The following HHIP variants were observed in gnomAD, a reference collection of about 807,000 sequenced individuals.
The protein encoded by HHIP is hedgehog interacting protein.
Under a neutral mutation model 74.0 loss-of-function variants are expected in HHIP, and 12 were observed. The ratio of observed to expected loss-of-function variants is 0.16; its 90% CI spans 0.10 to 0.26. The LOEUF (loss-of-function observed/expected upper bound fraction) is 0.26, where lower values mean the gene tolerates loss of function less well. Among genes scored for constraint, HHIP ranks in the 10% least tolerant of loss-of-function variants. HHIP has a pLI of 1.00. For synonymous variants in HHIP, 309 were observed against 311.6 expected (o/e 0.99, Z 0.09); for missense variants, 788 against 845.0 (o/e 0.93, Z 0.84).
chr4:144,647,218 C>A, intron 1 of HHIP: 1 of 414,834 alleles, frequency 2.4e-6, no homozygotes. Flanking sequence ...GTACCCGCAC[C>A]CTGGGCTGGG....
At chr4:144,709,116 TA>T (rs1227225016) in intron 7 of HHIP, among the ~76,000 whole-genome samples, 2 of 152,222 alleles carry the variant, frequency 1.3e-5, no homozygotes, top group South Asian at 2.1e-4. Context: ...CTAAGTAGGT[TA>T]TTATTACCAT....
At chr4:144,666,633 T>C (rs973611225) in intron 4 of HHIP, among the ~76,000 whole-genome samples, 2 of 152,174 alleles carry the variant, frequency 1.3e-5, no homozygotes, top group African/African-American at 4.8e-5. Flanking sequence ...GCTAAGCTGC[T>C]AAATGCTGCT....
intron 1 of HHIP, chr4:144,647,299 G>A (rs72617421): frequency 0.035 from 7,881 of 224,180 alleles, 533 homozygotes; most frequent in East Asian, 0.23. Flanking sequence ...CGGTGAAACT[G>A]TAAATTAAGG....
intron 1 of HHIP, among the ~76,000 whole-genome samples, chr4:144,650,087 C>G (rs933636079): frequency 6.6e-5 from 10 of 152,094 alleles, no homozygotes; most frequent in African/African-American, 2.4e-4. Context: ...CTCATCGAAC[C>G]CATGTGGCTG....
At chr4:144,706,118 T>C (rs1730126838) in intron 4 of HHIP, among the ~76,000 whole-genome samples, 1 of 152,226 alleles carries the variant, frequency 6.6e-6, no homozygotes, top group Non-Finnish European at 1.5e-5. Flanking sequence ...CAGCCCACAC[T>C]GTGTTTTAGG....
chr4:144,662,302 G>A (rs922358665), intron 4 of HHIP, among the ~76,000 whole-genome samples: 8 of 152,112 alleles, frequency 5.3e-5, no homozygotes, highest in Admixed American at 2.0e-4. Flanking sequence ...TCAGCCAAGA[G>A]CCAATCATAA....
intron 2 of HHIP, among the ~76,000 whole-genome samples, chr4:144,653,026 T>A (rs140294803): frequency 2.0e-5 from 3 of 152,274 alleles, no homozygotes; most frequent in African/African-American, 7.2e-5. Flanking sequence ...TTGTTATATA[T>A]TTCTTGTTAA....
chr4:144,736,840 G>A (rs1024147218), intron 12 of HHIP, among the ~76,000 whole-genome samples: 3 of 152,034 alleles, frequency 2.0e-5, no homozygotes, highest in Non-Finnish European at 2.9e-5. Flanking sequence ...CAGATTTAAA[G>A]CATAAAATTG....
At chr4:144,711,733 A>G (rs1730312423) in intron 7 of HHIP, among the ~76,000 whole-genome samples, 1 of 152,270 alleles carries the variant, frequency 6.6e-6, no homozygotes, top group Non-Finnish European at 1.5e-5. Flanking sequence ...ATTATAAATC[A>G]TAAGAGAAAT....
intron 4 of HHIP, among the ~76,000 whole-genome samples, chr4:144,675,403 CT>C (rs1729144656): frequency 6.6e-6 from 1 of 151,860 alleles, no homozygotes; most frequent in African/African-American, 2.4e-5. Flanking sequence ...TTTTATGGTG[CT>C]TTTAAGGAAT....
At position 144,742,873 on chromosome 4, in the gene HHIP, TTTTTATATATATC is replaced by T. The variant is rs1731290937; in HGVS notation, c.*4919_*4931del. 9.1e-6 allele frequency: 1 copy of T among 109,758 alleles called. No homozygotes were observed. Among genetic ancestry groups the T allele is most frequent in the South Asian group, 3.1e-4 (1 of 3,258 alleles). 6.8% of individuals were successfully genotyped at this position (109,758 alleles called of 1,614,324 possible). ...TATATATATATCTTATATATATATC[TTTTTATATATATC>T]TTATATATATATCTTTTTATATATA... On this transcript the variant is annotated 3_prime_UTR_variant, in exon 13 of 13. Transcript: ENST00000296575.
intron 4 of HHIP, among the ~76,000 whole-genome samples, chr4:144,666,049 A>G (rs1034132483): frequency 1.2e-4 from 19 of 152,220 alleles, no homozygotes; most frequent in Admixed American, 6.5e-5. Flanking sequence ...TTTAAGTGAG[A>G]TATCTACCAT....
intron 2 of HHIP, among the ~76,000 whole-genome samples, chr4:144,656,576 A>C (rs1172810808): frequency 6.6e-6 from 1 of 152,140 alleles, no homozygotes. Flanking sequence ...AGCAAGCTTG[A>C]AATTTCTTTT....
chr4:144,714,249 T>G lies in HHIP; in HGVS notation c.1448T>G (p.Phe483Cys), dbSNP rs1730382447. 3.1e-6 allele frequency: 5 copies of G among 1,613,090 alleles called. No individual in the cohort carries two copies. In the South Asian group the frequency reaches 5.5e-5, roughly 18 times the overall value. Reference protein sequence around the residue: ...DYESEPSLLEFKPFSNGPLVG... With the variant: ...DYESEPSLLECKPFSNGPLVG... Reference sequence around the variant, plus strand: ...GAAAGTGAGCCATCACTTTTAGAATTCAAGCCATTCAGTAATGGTCCTTTG... The same window carrying G: ...GAAAGTGAGCCATCACTTTTAGAATGCAAGCCATTCAGTAATGGTCCTTTG... The change falls in exon 9 of 13, where the codon TTC becomes TGC. Residue 483 changes from phenylalanine (F) to cysteine (C), a missense_variant. Physicochemically the swap from Phe to Cys is radical, Grantham distance 205 (BLOSUM62 -2). Around this residue, in one of 3 missense-constraint regions of HHIP, gnomAD observed 343 missense variants for 347.9 expected, o/e 0.99. Coordinates refer to ENST00000296575, the MANE Select transcript of HHIP (RefSeq NM_022475.3).
intron 4 of HHIP, among the ~76,000 whole-genome samples, chr4:144,664,611 T>C (rs549511851): frequency 6.6e-6 from 1 of 152,322 alleles, no homozygotes; most frequent in Non-Finnish European, 1.5e-5. Flanking sequence ...ATTGGTAACA[T>C]AGCATGCATA....
intron 4 of HHIP, among the ~76,000 whole-genome samples, chr4:144,662,162 T>C (rs1273449023): frequency 6.6e-6 from 1 of 152,230 alleles, no homozygotes; most frequent in East Asian, 1.9e-4. Context: ...TGTCTGCTAA[T>C]GTAAATTAAT....
chr4:144,707,348 C>A, intron 6 of HHIP, 88 bp downstream of exon 6: 2 of 1,114,022 alleles, frequency 1.8e-6, no homozygotes, highest in Non-Finnish European at 2.6e-6. Context: ...AATTAAGAAC[C>A]ATCTTTGAAT....
At chr4:144,720,814 T>C (rs538455154) in intron 11 of HHIP, among the ~76,000 whole-genome samples, 1 of 152,256 alleles carries the variant, frequency 6.6e-6, no homozygotes, top group African/African-American at 2.4e-5. Flanking sequence ...TTTATAAACA[T>C]TTGTTGGGAG....
intron 8 of HHIP, 65 bp from the exon 9 acceptor site, chr4:144,714,160 G>A: frequency 7.3e-7 from 1 of 1,371,356 alleles, no homozygotes; most frequent in African/African-American, 1.4e-5. Context: ...ATTGTTGTTT[G>A]GTGTACATTC....
Sources: allele counts gnomAD v4.1 joint callset (sites outside exome capture counted in the v4.1 genomes callset), GRCh38; gene constraint gnomAD v4.1.1; regional missense constraint gnomAD v4.1.1; transcripts MANE v1.5; gene names NCBI Gene and HGNC (gene_info 2026-07-23, HGNC 2026-07-21).